Variants in C13orf46 observed in about 807,000 individuals in gnomAD.
C13orf46 encodes the protein chromosome 13 open reading frame 46.
chr13:113,941,609 A>C, the C13orf46 span, among the ~76,000 whole-genome samples: 1 of 152,194 alleles, frequency 6.6e-6, no homozygotes, highest in Non-Finnish European at 1.5e-5. Context: ...AACGTGCTGG[A>C]AACAGGAGCT....
chr13:113,939,344 A>G, the C13orf46 span, among the ~76,000 whole-genome samples: 8 of 149,326 alleles, frequency 5.4e-5, no homozygotes, highest in Non-Finnish European at 1.0e-4. Flanking sequence ...TGGGGAGGAC[A>G]GAGACCACCC....
chr13:113,937,307 C>T, the C13orf46 span, among the ~76,000 whole-genome samples: 1 of 152,204 alleles, frequency 6.6e-6, no homozygotes, highest in African/African-American at 2.4e-5. Context: ...CCACAGCCAC[C>T]AGCCAGAGTG....
chr13:113,948,343 C>T, the C13orf46 span, among the ~76,000 whole-genome samples: 1 of 152,200 alleles, frequency 6.6e-6, no homozygotes, highest in Non-Finnish European at 1.5e-5. Flanking sequence ...TTGTTCTTGA[C>T]ATCAAAAATG....
At chr13:113,958,086 A>C (rs2052556479) in intron 6 of C13orf46, among the ~76,000 whole-genome samples, 12 of 103,328 alleles carry the variant, frequency 1.2e-4, no homozygotes, top group Admixed American at 1.2e-4. Context: ...CTCTGTATGC[A>C]CCCCCTTTCA....
At chr13:113,962,989 A>G (rs1019555354) in intron 6 of C13orf46, among the ~76,000 whole-genome samples, 2 of 152,162 alleles carry the variant, frequency 1.3e-5, no homozygotes, top group East Asian at 1.9e-4. Context: ...GTTCTCGAGG[A>G]CTTTCTCTCT....
At chr13:113,945,822 G>A in the C13orf46 span, among the ~76,000 whole-genome samples, 1 of 152,164 alleles carries the variant, frequency 6.6e-6, no homozygotes, top group Non-Finnish European at 1.5e-5. Flanking sequence ...TGACCCTTTT[G>A]TTCAGATTGT....
intron 1 of C13orf46, among the ~76,000 whole-genome samples, chr13:113,973,556 G>A (rs762052980): frequency 3.9e-5 from 6 of 152,104 alleles, no homozygotes; most frequent in Admixed American, 1.3e-4. Flanking sequence ...GTCCCTTTCC[G>A]GACAGAACCG....
At chr13:113,943,512 G>A in the C13orf46 span, among the ~76,000 whole-genome samples, 4 of 152,180 alleles carry the variant, frequency 2.6e-5, no homozygotes, top group African/African-American at 7.2e-5. Flanking sequence ...ATTTGTGGAG[G>A]AGGCCTTCAG....
chr13:113,972,467 C>G (rs117340591), intron 1 of C13orf46, among the ~76,000 whole-genome samples: 7 of 152,208 alleles, frequency 4.6e-5, no homozygotes, highest in Non-Finnish European at 1.0e-4. Context: ...GACACCTTTG[C>G]GAAGGGGAGG....
chr13:113,961,557 T>A (rs1380118383), intron 6 of C13orf46, among the ~76,000 whole-genome samples: 1 of 151,832 alleles, frequency 6.6e-6, no homozygotes, highest in African/African-American at 2.4e-5. Flanking sequence ...TAGTCATTGT[T>A]CTGAAGTATT....
At chr13:113,965,804 TGATGGTGAA>T in intron 5 of C13orf46, among the ~76,000 whole-genome samples, 1 of 150,256 alleles carries the variant, frequency 6.7e-6, no homozygotes, top group African/African-American at 2.5e-5. Flanking sequence ...ATGGTGGTGA[TGATGGTGAA>T]GGTGATGATG....
downstream of C13orf46, among the ~76,000 whole-genome samples, chr13:113,951,769 C>T (rs978764715): frequency 7.6e-4 from 116 of 152,278 alleles, no homozygotes; most frequent in African/African-American, 2.5e-3. Flanking sequence ...GCCTTTTTTG[C>T]GAAACTCCAC....
At position 113,963,662 on chromosome 13, in the gene C13orf46, TGCCCCTGTCCTCAGCCACG is replaced by T. The variant is rs1251701611; in HGVS notation, c.572+1246_572+1264del. Among the ~76,000 whole-genome samples, 38 of 139,850 alleles carry T rather than the reference TGCCCCTGTCCTCAGCCACG, an allele frequency of 2.7e-4. No individual in the cohort carries two copies. In the East Asian group the frequency reaches 6.1e-3, roughly 23 times the overall value. The allele number at this position is 139,850 out of a possible 152,430, so 91.7% of individuals were successfully genotyped here. The stretch of plus-strand genomic sequence containing the variant: ...CCTCAGCCTCGCCCGTCCTCAGCCT[TGCCCCTGTCCTCAGCCACG>T]GCCCCTGTCCTCAGCCTCAGCTGCA... On this transcript the variant is annotated intron_variant, in intron 6 of 6. Transcript: ENST00000636427.
intron 5 of C13orf46, among the ~76,000 whole-genome samples, chr13:113,966,279 GTGA>G (rs1427411725): frequency 2.0e-5 from 3 of 150,500 alleles, no homozygotes; most frequent in Non-Finnish European, 4.4e-5. Flanking sequence ...AGTGATGGTG[GTGA>G]TGATGGTCAT....
the C13orf46 span, among the ~76,000 whole-genome samples, chr13:113,942,879 C>T: frequency 1.3e-5 from 2 of 152,232 alleles, no homozygotes; most frequent in African/African-American, 4.8e-5. Context: ...CACAGCGCCC[C>T]AGTGCCCGCC....
chr13:113,945,612 GAAAGA>G, the C13orf46 span, among the ~76,000 whole-genome samples: 552 of 86,832 alleles, frequency 6.4e-3, 2 homozygotes, highest in African/African-American at 7.1e-3. Context: ...AAAGAAGAAA[GAAAGA>G]AAGAAAGAAA....
the C13orf46 span, among the ~76,000 whole-genome samples, chr13:113,930,343 GAGGAGCACCGAGGTGGGGGCGC>G: frequency 0.081 from 12,316 of 151,552 alleles, 592 homozygotes; most frequent in African/African-American, 0.11. Context: ...GGTGGGAGTG[GAGGAGCACCGAGGTGGGGGCGC>G]AGGAGCACCG....
intron 5 of C13orf46, among the ~76,000 whole-genome samples, chr13:113,965,944 ATGATGATGG>A (rs1255825434): frequency 6.8e-6 from 1 of 146,178 alleles, no homozygotes; most frequent in East Asian, 2.1e-4. Flanking sequence ...TATGATGGTG[ATGATGATGG>A]TGATGGTGAT....
downstream of C13orf46, among the ~76,000 whole-genome samples, chr13:113,952,327 A>G (rs1197731403): frequency 9.6e-6 from 1 of 104,556 alleles, no homozygotes; most frequent in Non-Finnish European, 2.4e-5. Flanking sequence ...CCGCCTGCCC[A>G]GGGCCGCTGT....
Sources: allele counts gnomAD v4.1 joint callset (sites outside exome capture counted in the v4.1 genomes callset), GRCh38; gene constraint gnomAD v4.1.1; transcripts MANE v1.5; gene names NCBI Gene and HGNC (gene_info 2026-07-23, HGNC 2026-07-21).